The following LPP variants were observed in gnomAD, a reference collection of about 807,000 sequenced individuals.
LPP encodes lipoma-preferred partner.
LPP carries 38 observed loss-of-function variants against 60.4 expected under a neutral mutation model. That is an observed-to-expected ratio of 0.63 (90% CI 0.49 to 0.83). The LOEUF is 0.83. LPP is among the 40% of genes least tolerant of loss of function. The pLI, the probability that LPP is intolerant of heterozygous loss-of-function variation, is 0.00. For missense variants in LPP, 902 were observed against 783.6 expected, an observed-to-expected ratio of 1.15 and a Z score of -1.80; for synonymous variants, 328 against 290.8, an observed-to-expected ratio of 1.13 and a Z score of -1.30.
intron 2 of LPP, among the ~76,000 whole-genome samples, chr3:188,287,109 C>A (rs1744185174): frequency 6.6e-6 from 1 of 152,204 alleles, no homozygotes; most frequent in Non-Finnish European, 1.5e-5. Flanking sequence ...CCATGTTGGC[C>A]AGCCTGGTCT....
chr3:188,833,411 C>T (rs1757575525), intron 9 of LPP, among the ~76,000 whole-genome samples: 1 of 152,162 alleles, frequency 6.6e-6, no homozygotes, highest in African/African-American at 2.4e-5. Context: ...AAACCTATGC[C>T]AGTGAGACAG....
chr3:188,398,037 TG>T (rs1781382697), intron 3 of LPP, among the ~76,000 whole-genome samples: 1 of 152,170 alleles, frequency 6.6e-6, no homozygotes, highest in South Asian at 2.1e-4. Context: ...CCTGCAGCAT[TG>T]CCAAGAACAA....
At chr3:188,549,400 T>G (rs201882643) in intron 6 of LPP, among the ~76,000 whole-genome samples, 1 of 45,098 alleles carries the variant, frequency 2.2e-5, no homozygotes, top group African/African-American at 5.9e-5. Flanking sequence ...TTTTGTGTGT[T>G]TGTTTGTTTG....
At position 188,339,435 on chromosome 3, in the gene LPP, A is replaced by G. The variant is rs1195466541; in HGVS notation, c.-66-2228A>G. 3.9e-5 allele frequency among the ~76,000 whole-genome samples: 6 copies of G among 152,346 alleles called. No homozygotes were observed. The South Asian group carries it at 1.2e-3, about 32-fold the overall frequency. On this transcript the variant is annotated intron_variant, in intron 2 of 11. Coordinates refer to ENST00000617246, the MANE Select transcript of LPP (RefSeq NM_001375462.1). ...TATTAGTCCATTCTCACGCTGCTAT[A>G]AAGAACTGCCAGAGACCACGTAATT...
At chr3:188,620,106 A>AT (rs1258951895) in intron 7 of LPP, among the ~76,000 whole-genome samples, 1 of 152,222 alleles carries the variant, frequency 6.6e-6, no homozygotes, top group East Asian at 1.9e-4. Flanking sequence ...CTCATTCAGT[A>AT]TTTTTATATA....
chr3:188,872,587 G>C lies in LPP; in HGVS notation c.1590-56G>C, dbSNP rs1043506740. On this transcript the variant is annotated intron_variant, in intron 10 of 11. Coordinates refer to ENST00000617246, the MANE Select transcript of LPP (RefSeq NM_001375462.1). ...TTCCACCTCTTCCTTTTACCTCTGCGTCCCACCTCAGTGTCGACGCGCAGT... is the reference window on the plus strand; with the variant it reads ...TTCCACCTCTTCCTTTTACCTCTGCCTCCCACCTCAGTGTCGACGCGCAGT... 1.4e-5 allele frequency: 22 copies of C among 1,608,380 alleles called. 1 individual carries two copies. The South Asian group carries it at 2.4e-4, about 18-fold the overall frequency.
intron 4 of LPP, among the ~76,000 whole-genome samples, chr3:188,447,844 T>C (rs1215998980): frequency 6.6e-6 from 1 of 152,048 alleles, no homozygotes; most frequent in Non-Finnish European, 1.5e-5. Flanking sequence ...GACAAGAACA[T>C]ATGCCTCCTC....
chr3:188,487,162 A>G (rs1806788802), intron 5 of LPP, among the ~76,000 whole-genome samples: 1 of 152,228 alleles, frequency 6.6e-6, no homozygotes, highest in African/African-American at 2.4e-5. Flanking sequence ...TGCGCAATGC[A>G]TGCTGAGTCC....
chr3:188,165,422 A>G (rs1719640615), intron 1 of LPP, among the ~76,000 whole-genome samples: 1 of 152,148 alleles, frequency 6.6e-6, no homozygotes. Context: ...TTTAAGTGGG[A>G]GACATAACAT....
intron 1 of LPP, among the ~76,000 whole-genome samples, chr3:188,177,511 C>T (rs1158117133): frequency 6.6e-6 from 1 of 152,060 alleles, no homozygotes; most frequent in Non-Finnish European, 1.5e-5. Flanking sequence ...GACACTAGAT[C>T]AGAAAAGTAC....
intron 5 of LPP, among the ~76,000 whole-genome samples, chr3:188,489,790 A>C (rs1398131176): frequency 1.3e-5 from 2 of 152,154 alleles, no homozygotes; most frequent in African/African-American, 4.8e-5. Context: ...CTCAATATTT[A>C]ACTTCCTCTT....
intron 5 of LPP, among the ~76,000 whole-genome samples, chr3:188,501,232 C>T (rs754551709): frequency 1.5e-4 from 23 of 152,210 alleles, no homozygotes; most frequent in Admixed American, 2.6e-4. Context: ...GTTTCCCATA[C>T]GTTTGGTATG....
intron 9 of LPP, among the ~76,000 whole-genome samples, chr3:188,821,576 C>T (rs903067450): frequency 1.3e-5 from 2 of 151,778 alleles, no homozygotes; most frequent in Non-Finnish European, 2.9e-5. Flanking sequence ...CTTTTTCCTT[C>T]TTCTTTTAAA....
At position 188,878,123 on chromosome 3, in the gene LPP, A is replaced by T; in HGVS notation, c.*3644A>T. The T allele has an allele frequency of 4.5e-6, 1 of 221,434 alleles. No homozygotes were observed. The highest frequency in any genetic ancestry group is 1.4e-3 in the Middle Eastern group (1 of 720). The allele number at this position is 221,434 out of a possible 1,614,324, so 13.7% of individuals were successfully genotyped here. The stretch of plus-strand genomic sequence containing the variant: ...GGAATATAGACAGGACTCTGAAAAC[A>T]CAACTTCCAGCCATTTTTTTAGTTA... On this transcript the variant is annotated 3_prime_UTR_variant, in exon 12 of 12. Coordinates refer to ENST00000617246, the MANE Select transcript of LPP (RefSeq NM_001375462.1).
chr3:188,171,768 G>A (rs1162633543), intron 1 of LPP, among the ~76,000 whole-genome samples: 1 of 152,192 alleles, frequency 6.6e-6, no homozygotes, highest in Non-Finnish European at 1.5e-5. Context: ...ATTGGGCAAT[G>A]CACTACTAGG....
chr3:188,280,561 A>G (rs1741595586), intron 2 of LPP, among the ~76,000 whole-genome samples: 1 of 151,784 alleles, frequency 6.6e-6, no homozygotes, highest in South Asian at 2.1e-4. Context: ...TCCAGTGCCC[A>G]TCCCCCACCC....
intron 2 of LPP, among the ~76,000 whole-genome samples, chr3:188,316,908 T>G (rs545250723): frequency 6.6e-6 from 1 of 152,334 alleles, no homozygotes; most frequent in African/African-American, 2.4e-5. Context: ...ACTGTGCATT[T>G]TTAGATGGAC....
At chr3:188,869,114 A>G (rs1767419106) in intron 10 of LPP, among the ~76,000 whole-genome samples, 1 of 152,126 alleles carries the variant, frequency 6.6e-6, no homozygotes, top group Admixed American at 6.5e-5. Flanking sequence ...GGCAGAGGGA[A>G]CAACTCAGGC....
At chr3:188,824,203 G>A (rs1203712348) in intron 9 of LPP, among the ~76,000 whole-genome samples, 2 of 152,152 alleles carry the variant, frequency 1.3e-5, no homozygotes, top group Non-Finnish European at 2.9e-5. Flanking sequence ...ACTCATTCGG[G>A]TGGCGTGAGA....
Sources: gnomAD v4.1 joint callset for allele counts (sites outside exome capture counted in the v4.1 genomes callset) on GRCh38, gnomAD v4.1.1 for gene constraint, MANE v1.5 for transcripts, NCBI Gene and HGNC (gene_info 2026-07-23, HGNC 2026-07-21) for gene names.